Variants in KIAA1217 observed in about 807,000 individuals in gnomAD.
KIAA1217 encodes the protein sickle tail protein homolog.
KIAA1217 carries 88 observed loss-of-function variants against 163.9 expected under a neutral mutation model. The observed-to-expected ratio is 0.54, with a 90% CI of 0.45 to 0.64. The LOEUF (loss-of-function observed/expected upper bound fraction) is 0.64, where lower values mean the gene tolerates loss of function less well. KIAA1217 is among the 30% of genes least tolerant of loss of function. The pLI, the probability that KIAA1217 is intolerant of heterozygous loss-of-function variation, is 0.00. For synonymous variants in KIAA1217, 903 were observed against 923.1 expected (o/e 0.98, Z 0.39); for missense variants, 2,372 against 2,475.0 (o/e 0.96, Z 0.88).
At chr10:23,937,164 C>G (rs1310491084) in intron 1 of KIAA1217, among the ~76,000 whole-genome samples, 1 of 152,176 alleles carries the variant, frequency 6.6e-6, no homozygotes, top group African/African-American at 2.4e-5. Context: ...CATGAGCCAC[C>G]ATGCCTGGCC....
chr10:24,544,616 A>G, intron 19 of KIAA1217, 135 bp downstream of exon 19: 1 of 1,034,832 alleles, frequency 9.7e-7, no homozygotes, highest in Non-Finnish European at 1.4e-6. Flanking sequence ...GTTCGCCATG[A>G]AACCCTTCTT....
chr10:23,820,794 T>C (rs1837581102), intron 1 of KIAA1217, among the ~76,000 whole-genome samples: 1 of 152,118 alleles, frequency 6.6e-6, no homozygotes, highest in African/African-American at 2.4e-5. Context: ...TTATGCCCAG[T>C]GTTTGTTTGG....
chr10:24,394,598 G>T (rs2055452948), intron 3 of KIAA1217, among the ~76,000 whole-genome samples: 3 of 152,088 alleles, frequency 2.0e-5, no homozygotes. Context: ...AAAGACACAT[G>T]GTAACTATGT....
At chr10:24,140,775 G>A (rs1468428894) in intron 2 of KIAA1217, among the ~76,000 whole-genome samples, 2 of 152,206 alleles carry the variant, frequency 1.3e-5, no homozygotes, top group African/African-American at 4.8e-5. Context: ...TAAAGGCCGT[G>A]CTTGACATAC....
chr10:23,812,350 T>C (rs1341004401), intron 1 of KIAA1217, among the ~76,000 whole-genome samples: 1 of 152,200 alleles, frequency 6.6e-6, no homozygotes, highest in Non-Finnish European at 1.5e-5. Flanking sequence ...CTAGCATGAG[T>C]TAGAGTTAAT....
At chr10:24,011,150 C>T (rs939792291) in intron 2 of KIAA1217, among the ~76,000 whole-genome samples, 1 of 152,062 alleles carries the variant, frequency 6.6e-6, no homozygotes, top group African/African-American at 2.4e-5. Flanking sequence ...AGTAGCATTA[C>T]CTATGGAACC....
Position 24,244,846 on chromosome 10 carries a change from T to A in KIAA1217, c.354+24937T>A, listed in dbSNP as rs181665798. ...TCTCAAAGTGCTGGGATGACAGACATGAGCCAGTGCTTCCGGCCAGCTTAT... is the reference window on the plus strand; with the variant it reads ...TCTCAAAGTGCTGGGATGACAGACAAGAGCCAGTGCTTCCGGCCAGCTTAT... On this transcript the variant is annotated intron_variant, in intron 2 of 20. Coordinates refer to ENST00000376454, the MANE Select transcript of KIAA1217 (RefSeq NM_019590.5). Among the ~76,000 whole-genome samples, 3 of 152,226 alleles carry A rather than the reference T, an allele frequency of 2.0e-5. No homozygotes were observed. The East Asian group carries it at 5.8e-4, about 29-fold the overall frequency.
chr10:24,542,740 T>C lies in KIAA1217; in HGVS notation c.3582T>C (p.Tyr1194=), dbSNP rs1254322326. ...HEDVRKSDVE[Y]ENGPQMEFQK... ...ATGTACGGAAATCTGATGTTGAATA[T>C]GAAAATGGCCCCCAAATGGAATTCC... is the stretch of plus-strand genomic sequence containing the variant. The change falls in exon 18 of 21, where the codon TAT becomes TAC. Residue 1194 remains tyrosine (Y), a synonymous_variant. Transcript: ENST00000376454. 1 of 1,614,100 alleles carries C rather than the reference T, an allele frequency of 6.2e-7. No homozygotes were observed. The highest frequency in any genetic ancestry group is 8.5e-7 in the Non-Finnish European group (1 of 1,180,046).
At chr10:24,121,414 C>G (rs1003571910) in intron 2 of KIAA1217, among the ~76,000 whole-genome samples, 1 of 152,134 alleles carries the variant, frequency 6.6e-6, no homozygotes, top group Non-Finnish European at 1.5e-5. Context: ...GCCCTTGTAG[C>G]TTAAAGCATG....
At chr10:23,903,066 G>A (rs1005479046) in intron 1 of KIAA1217, among the ~76,000 whole-genome samples, 6 of 152,038 alleles carry the variant, frequency 3.9e-5, no homozygotes, top group African/African-American at 1.4e-4. Context: ...GTGTAGGAAA[G>A]TTAGGTCCCC....
intron 1 of KIAA1217, among the ~76,000 whole-genome samples, chr10:23,987,049 C>T (rs1276771380): frequency 2.0e-5 from 3 of 152,064 alleles, no homozygotes; most frequent in Non-Finnish European, 4.4e-5. Flanking sequence ...GTGAACCCAT[C>T]ATCTGTTATG....
Position 24,419,172 on chromosome 10 carries a change from CA to C in KIAA1217, c.554-13805del, listed in dbSNP as rs71397949. On this transcript the variant is annotated intron_variant, in intron 3 of 20. Transcript: ENST00000376454. ...GTGGCAACAGAGCAAGACTCGTCTC[CA>C]AAAAAAAAAAAAAAAAAGAAAGAAA... Among the ~76,000 whole-genome samples, 498 of 82,592 alleles carry C rather than the reference CA, an allele frequency of 6.0e-3. 3 individuals are homozygous for C. The highest frequency in any genetic ancestry group is 0.036 in the East Asian group (110 of 3,056). The allele number at this position is 82,592 out of a possible 152,430, so 54.2% of individuals were successfully genotyped here.
chr10:23,816,573 A>C (rs1436179401), intron 1 of KIAA1217, among the ~76,000 whole-genome samples: 2 of 152,176 alleles, frequency 1.3e-5, no homozygotes, highest in Non-Finnish European at 2.9e-5. Context: ...AGGCCTAGGC[A>C]GGTGGATCAC....
intron 1 of KIAA1217, among the ~76,000 whole-genome samples, chr10:23,998,620 C>T (rs1846608220): frequency 6.6e-6 from 1 of 152,212 alleles, no homozygotes; most frequent in Admixed American, 6.5e-5. Flanking sequence ...ATGTTTGATA[C>T]AGTTAAAAAG....
intron 1 of KIAA1217, among the ~76,000 whole-genome samples, chr10:23,740,029 T>TG (rs34058520): frequency 0.22 from 33,443 of 151,438 alleles, 3,927 homozygotes; most frequent in African/African-American, 0.3. Context: ...TTGGTGAAGA[T>TG]GGGGGGGTTC....
intron 1 of KIAA1217, among the ~76,000 whole-genome samples, chr10:23,910,216 G>T (rs1842370015): frequency 6.6e-6 from 1 of 151,848 alleles, no homozygotes; most frequent in South Asian, 2.1e-4. Context: ...GTTGATGGGT[G>T]CAACAAACTA....
intron 1 of KIAA1217, among the ~76,000 whole-genome samples, chr10:23,741,461 T>C (rs1839109827): frequency 6.6e-6 from 1 of 152,232 alleles, no homozygotes; most frequent in South Asian, 2.1e-4. Flanking sequence ...TTCATGCCTG[T>C]TCAATCCTTC....
At chr10:24,122,501 G>A (rs2063320742) in intron 2 of KIAA1217, among the ~76,000 whole-genome samples, 1 of 152,146 alleles carries the variant, frequency 6.6e-6, no homozygotes, top group Admixed American at 6.5e-5. Context: ...TTATATTGGA[G>A]AACAAATGTA....
chr10:23,773,699 C>G (rs1372376756), intron 1 of KIAA1217, among the ~76,000 whole-genome samples: 1 of 152,112 alleles, frequency 6.6e-6, no homozygotes, highest in Non-Finnish European at 1.5e-5. Context: ...AGCTAGATTC[C>G]TAGGTATTTC....
Sources: gnomAD v4.1 joint callset for allele counts (sites outside exome capture counted in the v4.1 genomes callset) on GRCh38, gnomAD v4.1.1 for gene constraint, MANE v1.5 for transcripts, NCBI Gene and HGNC (gene_info 2026-07-23, HGNC 2026-07-21) for gene names.